ZNF385D: variants seen among roughly 807,000 people sequenced by gnomAD.
ZNF385D encodes zinc finger protein 385D.
A neutral mutation model predicts 35.8 loss-of-function variants in ZNF385D; 15 were observed. The ratio of observed to expected loss-of-function variants is 0.42; its 90% CI spans 0.28 to 0.64. The LOEUF (loss-of-function observed/expected upper bound fraction) is 0.64. Among genes scored for constraint, ZNF385D ranks in the 30% least tolerant of loss-of-function variants. The pLI is 0.23. For synonymous variants in ZNF385D, 212 were observed against 186.8 expected (o/e 1.13, Z -1.10); for missense variants, 474 against 494.6 (o/e 0.96, Z 0.39).
intron 3 of ZNF385D, among the ~76,000 whole-genome samples, chr3:21,969,213 G>C (rs1223860662): frequency 6.6e-6 from 1 of 152,104 alleles, no homozygotes; most frequent in African/African-American, 2.4e-5. Context: ...GAAGCACCAG[G>C]TAGATACCTG....
intron 1 of ZNF385D, among the ~76,000 whole-genome samples, chr3:21,744,776 A>G (rs546615312): frequency 3.9e-5 from 6 of 152,160 alleles, no homozygotes; most frequent in South Asian, 2.1e-4. Flanking sequence ...AACAGAAAAA[A>G]AGATTATGGA....
intron 2 of ZNF385D, among the ~76,000 whole-genome samples, chr3:22,315,240 GA>G (rs1315057154): frequency 1.3e-5 from 2 of 152,146 alleles, no homozygotes; most frequent in African/African-American, 2.4e-5. Context: ...TGTCATTAAC[GA>G]AGACAAGTCA....
chr3:22,276,131 G>A (rs894616306), intron 2 of ZNF385D, among the ~76,000 whole-genome samples: 5 of 151,716 alleles, frequency 3.3e-5, no homozygotes, highest in South Asian at 4.2e-4. Flanking sequence ...GAGTCATTGG[G>A]GCACTGTCAC....
intron 3 of ZNF385D, among the ~76,000 whole-genome samples, chr3:22,019,034 C>T (rs999697064): frequency 3.1e-5 from 2 of 64,468 alleles, no homozygotes; most frequent in African/African-American, 1.5e-4. Context: ...AGTTATTTAC[C>T]TTTTTTTTTT....
chr3:21,568,960 A>AGTT (rs1220185348), intron 2 of ZNF385D, among the ~76,000 whole-genome samples: 1 of 152,220 alleles, frequency 6.6e-6, no homozygotes, highest in Admixed American at 6.5e-5. Flanking sequence ...ATATTTATTC[A>AGTT]GTTTCTAAAT....
intron 2 of ZNF385D, among the ~76,000 whole-genome samples, chr3:22,268,478 T>C (rs935075913): frequency 1.5e-4 from 23 of 151,954 alleles, no homozygotes; most frequent in African/African-American, 5.6e-4. Context: ...AGCCAAATAA[T>C]AAATCTGGCT....
At chr3:22,005,056 C>CAAAAAAAAAAAAAAAA (rs71044965) in intron 3 of ZNF385D, among the ~76,000 whole-genome samples, 1 of 57,356 alleles carries the variant, frequency 1.7e-5, no homozygotes, top group African/African-American at 6.0e-5. Flanking sequence ...CACTCAGCAG[C>CAAAAAAAAAAAAAAAA]AAAAAAAAAA....
At chr3:21,497,652 C>A (rs1456156846) in intron 4 of ZNF385D, among the ~76,000 whole-genome samples, 1 of 151,934 alleles carries the variant, frequency 6.6e-6, no homozygotes, top group Non-Finnish European at 1.5e-5. Context: ...TGTTTGAGAC[C>A]AGCCTGGGCA....
At chr3:22,025,470 C>G (rs925853375) in intron 3 of ZNF385D, among the ~76,000 whole-genome samples, 14 of 152,178 alleles carry the variant, frequency 9.2e-5, no homozygotes, top group Admixed American at 5.9e-4. Flanking sequence ...ATCTGGAGAA[C>G]AGGCATGGGA....
At chr3:22,234,337 G>T (rs540520595) in intron 2 of ZNF385D, among the ~76,000 whole-genome samples, 56 of 152,200 alleles carry the variant, frequency 3.7e-4, no homozygotes, top group South Asian at 1.2e-3. Flanking sequence ...AAACCACAAA[G>T]ATCACCCTAG....
chr3:21,952,447 A>C (rs1312520161), intron 3 of ZNF385D, among the ~76,000 whole-genome samples: 2 of 152,044 alleles, frequency 1.3e-5, no homozygotes, highest in East Asian at 3.8e-4. Flanking sequence ...TTTAAGCCAC[A>C]ACCTGATATC....
chr3:22,011,029 A>C (rs772074989), intron 3 of ZNF385D, among the ~76,000 whole-genome samples: 2 of 152,178 alleles, frequency 1.3e-5, no homozygotes, highest in Non-Finnish European at 2.9e-5. Flanking sequence ...TTTATTGCCA[A>C]TATAACTCAT....
Position 21,810,955 on chromosome 3 carries a change from CAT to C in ZNF385D, c.326-145929_326-145928del, listed in dbSNP as rs200592836. ...ACACACAGCACATCACACACACACA[CAT>C]ATGTGTGTGTATACGTGTGTGTGTG... On this transcript the variant is annotated intron_variant, in intron 3 of 5. Coordinates refer to the ZNF385D transcript ENST00000494108. Among the ~76,000 whole-genome samples, 696 of 141,348 alleles carry C rather than the reference CAT, an allele frequency of 4.9e-3. 7 individuals are homozygous for C. Among genetic ancestry groups the C allele is most frequent in the African/African-American group, 0.016 (627 of 38,426 alleles). The allele number at this position is 141,348 out of a possible 152,430, so 92.7% of individuals were successfully genotyped here. A position where few individuals can be genotyped will look rare whatever the true frequency, so the allele number is the denominator to read the frequency against.
intron 2 of ZNF385D, among the ~76,000 whole-genome samples, chr3:21,607,174 TATAG>T (rs1319203736): frequency 1.3e-5 from 2 of 152,140 alleles, no homozygotes; most frequent in Non-Finnish European, 2.9e-5. Flanking sequence ...TACAAATATA[TATAG>T]ATACACATAC....
At chr3:22,003,371 A>G (rs1695980739) in intron 3 of ZNF385D, among the ~76,000 whole-genome samples, 1 of 152,166 alleles carries the variant, frequency 6.6e-6, no homozygotes, top group Admixed American at 6.5e-5. Flanking sequence ...TTTAATCAGG[A>G]GGTAAAAGAC....
Position 21,424,078 on chromosome 3 carries a change from T to A in ZNF385D, c.853-14A>T. The A allele has an allele frequency of 6.5e-7, 1 of 1,546,274 alleles. No individual in the cohort carries two copies. The highest frequency in any genetic ancestry group is 8.7e-7 in the Non-Finnish European group (1 of 1,154,016). ...ACTGCTAATGTGCTATTAAAAGTAATTTAAAATGACAGCTTTAAAAAAATC... is the reference window on the plus strand; with the variant it reads ...ACTGCTAATGTGCTATTAAAAGTAAATTAAAATGACAGCTTTAAAAAAATC... On this transcript the variant is annotated splice_polypyrimidine_tract_variant and intron_variant, in intron 6 of 7. Coordinates refer to ENST00000281523, the MANE Select transcript of ZNF385D (RefSeq NM_024697.3).
At chr3:21,498,203 A>G (rs895058690) in intron 4 of ZNF385D, among the ~76,000 whole-genome samples, 12 of 152,180 alleles carry the variant, frequency 7.9e-5, no homozygotes, top group African/African-American at 2.7e-4. Context: ...CTTAGATCAT[A>G]TAGAAAAATC....
rs530397349 is a variant in ZNF385D at position 21,878,205 on chromosome 3, A to AT, written c.326-213178dup. On this transcript the variant is annotated intron_variant, in intron 3 of 5. Transcript: ENST00000494108. The stretch of plus-strand genomic sequence containing the variant: ...GTCTTACACATGAGGAAACTAAGGT[A>AT]TAGAGAGATCTTAAGTAACTTATCC... The AT allele has an allele frequency of 4.6e-5, 7 of 152,090 alleles. No homozygotes were observed. The South Asian group carries it at 1.5e-3, about 32-fold the overall frequency. The allele number at this position is 152,090 out of a possible 1,614,324, so 9.4% of individuals were successfully genotyped here.
intron 1 of ZNF385D, among the ~76,000 whole-genome samples, chr3:21,733,768 G>A (rs988686124): frequency 6.6e-6 from 1 of 152,088 alleles, no homozygotes; most frequent in Non-Finnish European, 1.5e-5. Context: ...TTCAGTGTAA[G>A]AAGTGAAATA....
Sources: gnomAD v4.1 joint callset for allele counts (sites outside exome capture counted in the v4.1 genomes callset) on GRCh38, gnomAD v4.1.1 for gene constraint, MANE v1.5 for transcripts, NCBI Gene and HGNC (gene_info 2026-07-23, HGNC 2026-07-21) for gene names.